Variants in SERINC5 observed in about 807,000 individuals in gnomAD.
SERINC5 encodes serine incorporator 5.
In SERINC5, 41 loss-of-function variants were observed where a neutral mutation model predicts 63.1. The ratio of observed to expected loss-of-function variants is 0.65; its 90% CI spans 0.51 to 0.84. SERINC5 has a LOEUF of 0.84. Ranked by LOEUF, SERINC5 falls within the 40% of genes least tolerant of loss-of-function variation. The probability of loss-of-function intolerance (pLI) is 0.00; values close to 1 mark genes in which losing one functional copy is unlikely to be tolerated. For synonymous variants in SERINC5, 222 were observed against 215.2 expected, an observed-to-expected ratio of 1.03 and a Z score of -0.28; for missense variants, 523 against 573.0, an observed-to-expected ratio of 0.91 and a Z score of 0.89.
At chr5:80,166,726 AC>A in intron 6 of SERINC5, 1 of 348,744 alleles carries the variant, frequency 2.9e-6, no homozygotes, top group South Asian at 2.9e-5. Context: ...ATCTACCAAT[AC>A]TTTATCAAGC....
rs1264563112 is a variant in SERINC5, at chr5:80,171,776, G to T, written c.552-2230C>A. On this transcript the variant is annotated intron_variant, in intron 5 of 11. Transcript: ENST00000507668. ...ACATGCTAATTAGCCAGCTTCTTGG[G>T]AGGCAGAGGCAGGAGGATTTCTTGA... Among the ~76,000 whole-genome samples the T allele has an allele frequency of 4.6e-5, 7 of 152,198 alleles. No homozygotes were observed. In the East Asian group the frequency reaches 1.4e-3, roughly 29 times the overall value.
intron 1 of SERINC5, among the ~76,000 whole-genome samples, chr5:80,225,992 A>C (rs1201422151): frequency 6.6e-6 from 1 of 152,042 alleles, no homozygotes; most frequent in Admixed American, 6.5e-5. Flanking sequence ...CCTATGTATC[A>C]AGGTACTACT....
chr5:80,216,172 C>A (rs907727114), intron 1 of SERINC5, among the ~76,000 whole-genome samples: 68 of 152,190 alleles, frequency 4.5e-4, no homozygotes, highest in African/African-American at 1.6e-3. Context: ...GTTTCTATCA[C>A]TCGACACTAT....
intron 1 of SERINC5, among the ~76,000 whole-genome samples, chr5:80,217,627 A>G (rs113962690): frequency 2.0e-5 from 3 of 152,342 alleles, no homozygotes; most frequent in African/African-American, 7.2e-5. Context: ...GATGCAGTAT[A>G]ATACCAAAAA....
At chr5:80,222,399 AG>A (rs1416042072) in intron 1 of SERINC5, among the ~76,000 whole-genome samples, 2 of 152,136 alleles carry the variant, frequency 1.3e-5, no homozygotes, top group South Asian at 4.1e-4. Flanking sequence ...CGGACAAGTT[AG>A]GTGTCTACAA....
chr5:80,248,162 G>A (rs1373787232), intron 1 of SERINC5, among the ~76,000 whole-genome samples: 1 of 152,114 alleles, frequency 6.6e-6, no homozygotes, highest in Non-Finnish European at 1.5e-5. Flanking sequence ...TCATGATGAA[G>A]TTTAATTTCT....
intron 4 of SERINC5, among the ~76,000 whole-genome samples, chr5:80,175,942 G>A (rs1357031360): frequency 6.6e-6 from 1 of 151,398 alleles, no homozygotes; most frequent in Non-Finnish European, 1.5e-5. Context: ...CACTTTGGGA[G>A]GCCAAGAGGG....
chr5:80,232,170 CAA>C (rs1470186202), intron 1 of SERINC5, among the ~76,000 whole-genome samples: 1,595 of 150,060 alleles, frequency 0.011, 33 homozygotes, highest in African/African-American at 0.037. Flanking sequence ...TTTGGGAGGC[CAA>C]GGCGGGCAGA....
intron 2 of SERINC5, among the ~76,000 whole-genome samples, chr5:80,183,499 G>A (rs543179805): frequency 2.6e-5 from 4 of 152,098 alleles, no homozygotes; most frequent in Non-Finnish European, 5.9e-5. Flanking sequence ...TGACTTGCAC[G>A]TATCCCCTGT....
chr5:80,136,409 A>G (rs1198208889), downstream of SERINC5, among the ~76,000 whole-genome samples: 2 of 152,220 alleles, frequency 1.3e-5, no homozygotes, highest in African/African-American at 2.4e-5. Flanking sequence ...TTTCATATTT[A>G]TATTCTCAAC....
At chr5:80,227,188 G>A (rs374118721) in intron 1 of SERINC5, among the ~76,000 whole-genome samples, 5 of 152,110 alleles carry the variant, frequency 3.3e-5, no homozygotes, top group African/African-American at 9.7e-5. Flanking sequence ...GAGCCACTGC[G>A]CCTGGCCTAT....
chr5:80,177,495 T>G (rs541421451), intron 3 of SERINC5, 98 bp from the exon 4 acceptor site: 30 of 943,104 alleles, frequency 3.2e-5, no homozygotes, highest in Non-Finnish European at 5.0e-5. Context: ...TCCATGATTC[T>G]GCCATTGGCC....
In SERINC5 at chr5:80,140,136, C is replaced by T; in HGVS notation, c.*3527G>A. On this transcript the variant is annotated 3_prime_UTR_variant, in exon 12 of 12. Transcript: ENST00000507668. ...CTTGAGCTCAGGAGTTTGAGACCAG[C>T]CTGGACAACCCCATCTCTACAAAAA... is the stretch of plus-strand genomic sequence containing the variant. The T allele has an allele frequency of 8.8e-6, 7 of 798,506 alleles. No homozygotes were observed. Among genetic ancestry groups the T allele is most frequent in the African/African-American group, 1.9e-5 (1 of 53,270 alleles). The allele number at this position is 798,506 out of a possible 1,614,324, so 49.5% of individuals were successfully genotyped here.
intron 1 of SERINC5, among the ~76,000 whole-genome samples, chr5:80,209,563 A>G (rs983141680): frequency 2.6e-5 from 4 of 152,156 alleles, no homozygotes; most frequent in African/African-American, 9.7e-5. Context: ...CTGCTATTTC[A>G]TATCTATGTA....
chr5:80,235,075 A>C (rs1467768015), intron 1 of SERINC5, among the ~76,000 whole-genome samples: 1 of 152,158 alleles, frequency 6.6e-6, no homozygotes, highest in Non-Finnish European at 1.5e-5. Context: ...CCCACTAAAC[A>C]CAAGTTCTCC....
intron 1 of SERINC5, among the ~76,000 whole-genome samples, chr5:80,207,637 C>T (rs1305974067): frequency 6.6e-6 from 1 of 152,262 alleles, no homozygotes; most frequent in East Asian, 1.9e-4. Context: ...CATTTTCACT[C>T]TTACTCTATA....
chr5:80,172,860 ACTTT>A (rs1437135698), intron 5 of SERINC5, among the ~76,000 whole-genome samples: 1 of 152,224 alleles, frequency 6.6e-6, no homozygotes, highest in Non-Finnish European at 1.5e-5. Context: ...AATATGAAGG[ACTTT>A]CTTTCAGTTA....
rs956509429 is a variant in SERINC5 at position 80,140,392 on chromosome 5, A to G, written c.*3271T>C. On this transcript the variant is annotated 3_prime_UTR_variant, in exon 12 of 12. Transcript: ENST00000507668. ...AATTAACATTACACTGAGGTTATTC[A>G]TAATAAAGGATCTTCTGAGGAATCG... 3 of 984,444 alleles carry G rather than the reference A, an allele frequency of 3.0e-6. No individual in the cohort carries two copies. The African/African-American group carries it at 5.3e-5, about 17-fold the overall frequency. The allele number at this position is 984,444 out of a possible 1,614,324, so 61.0% of individuals were successfully genotyped here.
chr5:80,184,851 G>A (rs1327887007), intron 2 of SERINC5, among the ~76,000 whole-genome samples: 4 of 152,116 alleles, frequency 2.6e-5, no homozygotes, highest in Admixed American at 2.6e-4. Context: ...CCCAAGGACA[G>A]GGCACTTAAG....
Sources: gnomAD v4.1 joint callset for allele counts (sites outside exome capture counted in the v4.1 genomes callset) on GRCh38, gnomAD v4.1.1 for gene constraint, MANE v1.5 for transcripts, NCBI Gene and HGNC (gene_info 2026-07-23, HGNC 2026-07-21) for gene names.